Variants in HYCC1 observed in about 807,000 individuals in gnomAD.
HYCC1 encodes the protein hyccin PI4KA lipid kinase complex subunit 1.
chr7:22,913,176 A>G, the HYCC1 span, among the ~76,000 whole-genome samples: 1 of 152,152 alleles, frequency 6.6e-6, no homozygotes, highest in South Asian at 2.1e-4. Flanking sequence ...CCTAGTCTCA[A>G]AAACTAAAAC....
the HYCC1 span, chr7:22,945,515 C>T: frequency 9.1e-7 from 1 of 1,100,420 alleles, no homozygotes; most frequent in Non-Finnish European, 1.4e-6. Context: ...GATGAAAGAC[C>T]CAGGGTACTT....
At chr7:22,971,241 A>G in the HYCC1 span, among the ~76,000 whole-genome samples, 5 of 149,742 alleles carry the variant, frequency 3.3e-5, no homozygotes, top group Admixed American at 1.3e-4. Context: ...GTAGAAAAGA[A>G]AGGTTAATTA....
At chr7:22,947,749 T>C in the HYCC1 span, among the ~76,000 whole-genome samples, 1 of 152,098 alleles carries the variant, frequency 6.6e-6, no homozygotes. Context: ...CTATTTTTTA[T>C]GAGGCTACAT....
the HYCC1 span, among the ~76,000 whole-genome samples, chr7:22,973,334 C>T: frequency 6.6e-6 from 1 of 152,076 alleles, no homozygotes; most frequent in Admixed American, 6.5e-5. Flanking sequence ...TAGAAATGTA[C>T]AAAACCTCCT....
chr7:22,915,018 C>T, the HYCC1 span, among the ~76,000 whole-genome samples: 4 of 152,314 alleles, frequency 2.6e-5, no homozygotes, highest in Middle Eastern at 3.4e-3. Context: ...AATCAGTTGG[C>T]GTTTAGGTTC....
the HYCC1 span, among the ~76,000 whole-genome samples, chr7:23,012,512 G>A: frequency 0.016 from 2,450 of 152,160 alleles, 71 homozygotes; most frequent in African/African-American, 0.056. Context: ...TCCTAAATAT[G>A]TGATGCTTTT....
the HYCC1 span, among the ~76,000 whole-genome samples, chr7:22,918,919 G>A: frequency 1.3e-5 from 2 of 152,094 alleles, no homozygotes; most frequent in Non-Finnish European, 2.9e-5. Context: ...TCACATGGAC[G>A]CATGTGACAA....
chr7:22,917,722 T>C, the HYCC1 span, among the ~76,000 whole-genome samples: 1 of 152,206 alleles, frequency 6.6e-6, no homozygotes, highest in African/African-American at 2.4e-5. Context: ...CCAAGCAGTT[T>C]CTCAGGCTCT....
the HYCC1 span, among the ~76,000 whole-genome samples, chr7:22,917,104 A>G: frequency 6.6e-6 from 1 of 152,186 alleles, no homozygotes. Flanking sequence ...TATGCTGCTA[A>G]GGTAGCTAAA....
At chr7:22,976,828 A>G in the HYCC1 span, 1 of 1,446,008 alleles carries the variant, frequency 6.9e-7, no homozygotes, top group Non-Finnish European at 9.7e-7. Context: ...AGACATTTGA[A>G]TAAAGAAAAA....
the HYCC1 span, among the ~76,000 whole-genome samples, chr7:22,913,804 G>T: frequency 6.6e-6 from 1 of 152,158 alleles, no homozygotes; most frequent in Non-Finnish European, 1.5e-5. Context: ...CTGTTTGCTG[G>T]TATCTTCACA....
At chr7:22,952,616 T>C in the HYCC1 span, among the ~76,000 whole-genome samples, 1 of 152,004 alleles carries the variant, frequency 6.6e-6, no homozygotes, top group Non-Finnish European at 1.5e-5. Context: ...GGATGGCCAG[T>C]GACAGCTACA....
chr7:22,997,507 C>T, the HYCC1 span, among the ~76,000 whole-genome samples: 1 of 152,090 alleles, frequency 6.6e-6, no homozygotes, highest in East Asian at 1.9e-4. Context: ...TAAGCGCTAC[C>T]AGAAGATTAT....
At chr7:22,912,703 T>G in the HYCC1 span, among the ~76,000 whole-genome samples, 1 of 152,276 alleles carries the variant, frequency 6.6e-6, no homozygotes, top group South Asian at 2.1e-4. Context: ...CCAAAGTAAC[T>G]GACCATTTGA....
At chr7:22,972,644 T>C in the HYCC1 span, among the ~76,000 whole-genome samples, 1 of 152,220 alleles carries the variant, frequency 6.6e-6, no homozygotes, top group African/African-American at 2.4e-5. Context: ...GTGAGTATAT[T>C]TCTTTTCATA....
the HYCC1 span, among the ~76,000 whole-genome samples, chr7:22,968,237 T>C: frequency 6.6e-6 from 1 of 152,240 alleles, no homozygotes; most frequent in Admixed American, 6.5e-5. Context: ...ACCAAAGTGG[T>C]GAAACTTCCG....
At chr7:22,924,690 C>T in the HYCC1 span, among the ~76,000 whole-genome samples, 13 of 152,222 alleles carry the variant, frequency 8.5e-5, no homozygotes, top group East Asian at 2.1e-3. Context: ...CTGGGAAGCT[C>T]GAACTGGGTG....
the HYCC1 span, chr7:22,942,386 G>A: frequency 6.6e-6 from 1 of 152,120 alleles, no homozygotes; most frequent in Non-Finnish European, 1.5e-5. Context: ...GTATACAAAG[G>A]ACTCCAGGGT....
the HYCC1 span, among the ~76,000 whole-genome samples, chr7:22,959,591 T>A: frequency 6.6e-6 from 1 of 151,996 alleles, no homozygotes; most frequent in Non-Finnish European, 1.5e-5. Context: ...GGAGGGAAGT[T>A]ATAAAAATAA....
Sources: gnomAD v4.1 joint callset for allele counts (sites outside exome capture counted in the v4.1 genomes callset) on GRCh38, gnomAD v4.1.1 for gene constraint, MANE v1.5 for transcripts, NCBI Gene and HGNC (gene_info 2026-07-23, HGNC 2026-07-21) for gene names.